Variants in TRERF1 observed in about 807,000 individuals in gnomAD.
TRERF1 encodes the protein transcriptional-regulating factor 1.
In TRERF1, 27 loss-of-function variants were observed where a neutral mutation model predicts 122.9. The ratio of observed to expected loss-of-function variants is 0.22; its 90% CI spans 0.16 to 0.30. The LOEUF (loss-of-function observed/expected upper bound fraction) is 0.30, where lower values mean the gene tolerates loss of function less well. TRERF1 is among the 10% of genes least tolerant of loss of function. The probability of loss-of-function intolerance (pLI) is 1.00; values close to 1 mark genes in which losing one functional copy is unlikely to be tolerated. For missense variants in TRERF1, 1,248 were observed against 1,560.3 expected (o/e 0.80, Z 3.37); for synonymous variants, 636 against 641.7 (o/e 0.99, Z 0.13).
In TRERF1 at chr6:42,263,045, G is replaced by A. The variant is rs190979691; in HGVS notation, c.1884+275C>T. Among the ~76,000 whole-genome samples, 4 of 152,244 alleles carry A rather than the reference G, an allele frequency of 2.6e-5. No homozygotes were observed. The East Asian group carries it at 7.7e-4, about 29-fold the overall frequency. ...TCTGTTTAAACCTGGGAACACTTTCGGGTCTCTCAGAATCTAACCTAGGCC... is the reference window on the plus strand; with the variant it reads ...TCTGTTTAAACCTGGGAACACTTTCAGGTCTCTCAGAATCTAACCTAGGCC... On this transcript the variant is annotated intron_variant, in intron 8 of 17. Transcript: ENST00000372922. The surrounding 1 kb of genome is among the most constrained non-coding windows in gnomAD (Gnocchi z 5.6).
chr6:42,258,386 C>T (rs2056203942), intron 9 of TRERF1, among the ~76,000 whole-genome samples, 185 bp from the exon 10 acceptor site: 1 of 152,200 alleles, frequency 6.6e-6, no homozygotes, highest in African/African-American at 2.4e-5. Context: ...TAGGGTTACC[C>T]ATTTCTCACA....
At chr6:42,333,381 T>C (rs1765568419) in intron 3 of TRERF1, among the ~76,000 whole-genome samples, 1 of 152,238 alleles carries the variant, frequency 6.6e-6, no homozygotes, top group Non-Finnish European at 1.5e-5. Flanking sequence ...AGCCTCTTCA[T>C]GAGACATGAG....
At chr6:42,340,216 A>AT (rs142888332) in intron 3 of TRERF1, among the ~76,000 whole-genome samples, 6 of 151,996 alleles carry the variant, frequency 3.9e-5, no homozygotes, top group Non-Finnish European at 5.9e-5. Context: ...AATGATTCAC[A>AT]TTTTTTTTGT....
intron 4 of TRERF1, among the ~76,000 whole-genome samples, chr6:42,272,625 A>G (rs963170026): frequency 6.6e-5 from 10 of 152,220 alleles, no homozygotes; most frequent in African/African-American, 2.4e-4. Flanking sequence ...CTCTTGCTGC[A>G]TCCAGGTGAG....
At chr6:42,262,449 AGAGAGAGAGAGAGAGAG>A (rs1778211526) in intron 8 of TRERF1, among the ~76,000 whole-genome samples, 3 of 22,668 alleles carry the variant, frequency 1.3e-4, no homozygotes, top group Admixed American at 3.4e-4. Flanking sequence ...AGAGAGAGAG[AGAGAGAGAGAGAGAGAG>A]GAGAGAGAGA....
chr6:42,323,195 T>G (rs974101906), intron 3 of TRERF1, among the ~76,000 whole-genome samples: 1 of 97,604 alleles, frequency 1.0e-5, no homozygotes, highest in Non-Finnish European at 1.9e-5. Context: ...TTTCCCCCAG[T>G]TTTTTTTTTT....
At chr6:42,225,279 A>T (rs375894800) in exon 18 of TRERF1, 1 of 150,602 alleles carries the variant, frequency 6.6e-6, no homozygotes, top group South Asian at 2.1e-4. Context: ...TATTTGTTAC[A>T]TATGATGTTT....
At chr6:42,354,804 G>C (rs150403855) in intron 3 of TRERF1, among the ~76,000 whole-genome samples, 44 of 152,130 alleles carry the variant, frequency 2.9e-4, no homozygotes, top group African/African-American at 9.6e-4. Context: ...ATATCCAATA[G>C]ATCTAACTCC....
intron 4 of TRERF1, among the ~76,000 whole-genome samples, chr6:42,277,934 AAGAAG>A (rs976382086): frequency 5.3e-5 from 8 of 149,606 alleles, no homozygotes; most frequent in Non-Finnish European, 8.9e-5. Flanking sequence ...GAAGAAGAAG[AAGAAG>A]AAGAAGAAGA....
chr6:42,428,304 T>G (rs1783950639), intron 2 of TRERF1, among the ~76,000 whole-genome samples: 2 of 152,244 alleles, frequency 1.3e-5, no homozygotes, highest in African/African-American at 2.4e-5. Context: ...TAACTGAATA[T>G]TTTTAGTTCT....
At chr6:42,239,727 G>A (rs138416111) in intron 15 of TRERF1, among the ~76,000 whole-genome samples, 1 of 151,800 alleles carries the variant, frequency 6.6e-6, no homozygotes, top group Non-Finnish European at 1.5e-5. Flanking sequence ...CTCCCCAGGC[G>A]CACCCTCCCC....
intron 2 of TRERF1, among the ~76,000 whole-genome samples, chr6:42,444,509 G>C (rs991823590): frequency 3.9e-5 from 6 of 152,056 alleles, no homozygotes; most frequent in Admixed American, 3.9e-4. Flanking sequence ...CCTCAGCCTG[G>C]GGAGGCAGAG....
chr6:42,318,159 A>C lies in TRERF1; in HGVS notation c.-370-17410T>G, dbSNP rs1387014651. ...ACAGGGCGAGACTCTGTCTCCAAAA[A>C]AAAAAAAAAGCTCTTTGTAAATACT... is the stretch of plus-strand genomic sequence containing the variant. On this transcript the variant is annotated intron_variant, in intron 3 of 17. Coordinates refer to ENST00000372922, the Ensembl canonical transcript of TRERF1. Among the ~76,000 whole-genome samples, 4 of 152,196 alleles carry C rather than the reference A, an allele frequency of 2.6e-5. No individual in the cohort carries two copies. The East Asian group carries it at 7.7e-4, about 29-fold the overall frequency.
At chr6:42,289,464 G>A (rs191543513) in intron 4 of TRERF1, among the ~76,000 whole-genome samples, 229 of 152,058 alleles carry the variant, frequency 1.5e-3, no homozygotes, top group African/African-American at 5.1e-3. Context: ...TACATATTCC[G>A]GGCTTTGCTG....
At chr6:42,436,576 T>C (rs1785399758) in intron 2 of TRERF1, among the ~76,000 whole-genome samples, 1 of 151,750 alleles carries the variant, frequency 6.6e-6, no homozygotes, top group Non-Finnish European at 1.5e-5. Context: ...AGGCCTATTG[T>C]TATTTAAAGT....
chr6:42,407,435 C>T (rs1703065094), intron 2 of TRERF1, among the ~76,000 whole-genome samples: 1 of 152,114 alleles, frequency 6.6e-6, no homozygotes, highest in Non-Finnish European at 1.5e-5. Context: ...AGAGATGGGA[C>T]AAAACGAGGG....
chr6:42,356,027 G>A (rs1770471236), intron 3 of TRERF1, among the ~76,000 whole-genome samples: 1 of 152,202 alleles, frequency 6.6e-6, no homozygotes, highest in South Asian at 2.1e-4. Context: ...GCTGAGACCT[G>A]GAGAGACAAG....
rs764731278 is a variant in TRERF1 at position 42,268,955 on chromosome 6, G to A, written c.636C>T (p.Phe212=). ...GAGCTGGTTTGGACAGCCCACCAGT[G>A]AAACCAGGGTGAGGCTGCTGGGGCA... The change falls in exon 5 of 18, where the codon TTC becomes TTT. Residue 212 remains phenylalanine, a synonymous_variant. Transcript: ENST00000372922. The surrounding 1 kb of genome is among the most constrained non-coding windows in gnomAD (Gnocchi z 4.4). 2 of 1,612,044 alleles carry A rather than the reference G, an allele frequency of 1.2e-6. No individual in the cohort carries two copies. The highest frequency in any genetic ancestry group is 1.1e-5 in the South Asian group (1 of 91,016).
At chr6:42,301,479 C>T (rs1348858306) in intron 3 of TRERF1, among the ~76,000 whole-genome samples, 3 of 152,196 alleles carry the variant, frequency 2.0e-5, no homozygotes, top group African/African-American at 2.4e-5. Context: ...CTGCCCGCCT[C>T]GGCCTCCCAA....
Sources: gnomAD v4.1 joint callset for allele counts (sites outside exome capture counted in the v4.1 genomes callset) on GRCh38, gnomAD v4.1.1 for gene constraint, Gnocchi (gnomAD v3.1) non-coding constraint, MANE v1.5 for transcripts, NCBI Gene and HGNC (gene_info 2026-07-23, HGNC 2026-07-21) for gene names.